SPOCK1: variants seen among roughly 807,000 people sequenced by gnomAD.
SPOCK1 encodes SPARC (osteonectin), cwcv and kazal like domains proteoglycan 1, also known as testican-1.
Under a neutral mutation model 55.3 loss-of-function variants are expected in SPOCK1, and 23 were observed. The ratio of observed to expected loss-of-function variants is 0.42; its 90% confidence interval spans 0.30 to 0.59. The LOEUF (loss-of-function observed/expected upper bound fraction) is 0.59. Ranked by LOEUF, SPOCK1 falls within the 20% of genes least tolerant of loss-of-function variation. The pLI is 0.22. For missense variants in SPOCK1, 499 were observed against 552.5 expected, an observed-to-expected ratio of 0.90 and a Z score of 0.97; for synonymous variants, 226 against 221.0, an observed-to-expected ratio of 1.02 and a Z score of -0.20.
At chr5:137,053,166 C>T (rs1561592013) in intron 6 of SPOCK1, among the ~76,000 whole-genome samples, 1 of 152,192 alleles carries the variant, frequency 6.6e-6, no homozygotes, top group African/African-American at 2.4e-5. Context: ...AGACAAGAAG[C>T]ATGACCTCTG....
intron 6 of SPOCK1, among the ~76,000 whole-genome samples, chr5:136,996,122 T>A (rs547299534): frequency 6.2e-4 from 95 of 152,288 alleles, no homozygotes; most frequent in African/African-American, 2.1e-3. Flanking sequence ...CCTTTTAAGG[T>A]GCTCATCATC....
chr5:137,419,469 T>G (rs1051720726), intron 2 of SPOCK1, among the ~76,000 whole-genome samples: 1 of 152,244 alleles, frequency 6.6e-6, no homozygotes, highest in African/African-American at 2.4e-5. Flanking sequence ...TATCCTCTTT[T>G]ATTTCAATGA....
At chr5:137,377,493 T>G (rs1022519990) in intron 2 of SPOCK1, among the ~76,000 whole-genome samples, 16 of 152,212 alleles carry the variant, frequency 1.1e-4, no homozygotes, top group Middle Eastern at 3.2e-3. Context: ...CTCAGCAAAT[T>G]ATGCTTAAAG....
At chr5:137,087,608 G>A (rs1218212238) in intron 5 of SPOCK1, among the ~76,000 whole-genome samples, 8 of 152,236 alleles carry the variant, frequency 5.3e-5, no homozygotes, top group African/African-American at 1.9e-4. Flanking sequence ...TGGAGACTTG[G>A]CCTCTCTGTG....
intron 2 of SPOCK1, among the ~76,000 whole-genome samples, chr5:137,466,172 G>A (rs1428925742): frequency 3.9e-5 from 6 of 152,184 alleles, no homozygotes; most frequent in Non-Finnish European, 8.8e-5. Context: ...AATCACAGTG[G>A]ATGCTGCTCA....
intron 6 of SPOCK1, among the ~76,000 whole-genome samples, chr5:137,001,705 G>T (rs1046617174): frequency 6.6e-6 from 1 of 152,180 alleles, no homozygotes; most frequent in African/African-American, 2.4e-5. Context: ...TGGGAATAAT[G>T]TTTGTGGTGA....
chr5:137,493,691 T>C (rs1408769140), intron 2 of SPOCK1, among the ~76,000 whole-genome samples: 1 of 152,232 alleles, frequency 6.6e-6, no homozygotes, highest in Admixed American at 6.5e-5. Flanking sequence ...GATCACAAAC[T>C]CATTTAAGTC....
At chr5:137,406,883 C>T (rs1023981411) in intron 2 of SPOCK1, among the ~76,000 whole-genome samples, 3 of 152,212 alleles carry the variant, frequency 2.0e-5, no homozygotes, top group African/African-American at 7.2e-5. Flanking sequence ...CAAGCAAGTG[C>T]TTCAATAGAC....
intron 2 of SPOCK1, among the ~76,000 whole-genome samples, chr5:137,390,889 T>G (rs562559191): frequency 4.1e-4 from 63 of 152,156 alleles, no homozygotes; most frequent in Non-Finnish European, 7.8e-4. Flanking sequence ...TATAAATATA[T>G]GTATACACAC....
intron 3 of SPOCK1, among the ~76,000 whole-genome samples, chr5:137,195,542 G>A (rs918723393): frequency 6.6e-6 from 1 of 152,266 alleles, no homozygotes; most frequent in East Asian, 1.9e-4. Context: ...GGGAGCTGGG[G>A]CAGTGGATGA....
chr5:137,066,579 C>T (rs1386316157), intron 6 of SPOCK1, among the ~76,000 whole-genome samples: 1 of 152,138 alleles, frequency 6.6e-6, no homozygotes, highest in Non-Finnish European at 1.5e-5. Flanking sequence ...TGCTTAACAC[C>T]ACATGGCTTT....
At chr5:137,382,686 C>T (rs1024229675) in intron 2 of SPOCK1, among the ~76,000 whole-genome samples, 4 of 152,176 alleles carry the variant, frequency 2.6e-5, no homozygotes, top group African/African-American at 9.7e-5. Flanking sequence ...AACTCATTCA[C>T]TATCATGAGA....
intron 4 of SPOCK1, among the ~76,000 whole-genome samples, chr5:137,137,521 C>G (rs556365746): frequency 6.6e-6 from 1 of 152,188 alleles, no homozygotes; most frequent in Non-Finnish European, 1.5e-5. Flanking sequence ...CAAACACACT[C>G]AGGGACTTCC....
chr5:137,360,423 T>C (rs1180479203), intron 2 of SPOCK1, among the ~76,000 whole-genome samples: 1 of 152,198 alleles, frequency 6.6e-6, no homozygotes, highest in East Asian at 1.9e-4. Context: ...ATCCGGGATC[T>C]CACAACAGTG....
intron 3 of SPOCK1, among the ~76,000 whole-genome samples, chr5:137,165,188 A>G (rs934457632): frequency 6.6e-6 from 1 of 152,016 alleles, no homozygotes; most frequent in African/African-American, 2.4e-5. Flanking sequence ...TGTTTGTGTC[A>G]CTCCACCCCC....
intron 5 of SPOCK1, among the ~76,000 whole-genome samples, chr5:137,083,209 A>T (rs1301531657): frequency 1.3e-5 from 2 of 152,132 alleles, no homozygotes; most frequent in Admixed American, 1.3e-4. Flanking sequence ...AAGCTTATCA[A>T]TTATCTCCTT....
intron 2 of SPOCK1, among the ~76,000 whole-genome samples, chr5:137,430,338 T>C (rs1752717157): frequency 6.6e-6 from 1 of 152,250 alleles, no homozygotes; most frequent in African/African-American, 2.4e-5. Flanking sequence ...CCCCAGCTCA[T>C]ACTCCGCAAT....
At chr5:137,035,389 G>A (rs1303174677) in intron 6 of SPOCK1, among the ~76,000 whole-genome samples, 1 of 152,172 alleles carries the variant, frequency 6.6e-6, no homozygotes, top group East Asian at 1.9e-4. Flanking sequence ...ACTCCGATTT[G>A]CAAGGCAAAG....
chr5:137,131,971 C>CAAAAAAAA (rs1156253291), intron 4 of SPOCK1, among the ~76,000 whole-genome samples: 23 of 12,726 alleles, frequency 1.8e-3, no homozygotes, highest in African/African-American at 1.7e-3. Flanking sequence ...GACTCCGTCT[C>CAAAAAAAA]AAAAAAAAAA....
Sources: allele counts gnomAD v4.1 joint callset (sites outside exome capture counted in the v4.1 genomes callset), GRCh38; gene constraint gnomAD v4.1.1; transcripts MANE v1.5; gene names NCBI Gene and HGNC (gene_info 2026-07-23, HGNC 2026-07-21).